Variants in CYFIP1 observed in about 807,000 individuals in gnomAD.
The protein encoded by CYFIP1 is cytoplasmic FMR1-interacting protein 1.
A neutral mutation model predicts 163.5 loss-of-function variants in CYFIP1; 58 were observed. That is an observed-to-expected ratio of 0.35 (90% CI 0.29 to 0.44). The LOEUF (loss-of-function observed/expected upper bound fraction) is 0.44. CYFIP1 is among the 20% of genes least tolerant of loss of function. CYFIP1 has a pLI of 1.00. For synonymous variants in CYFIP1, 663 were observed against 660.7 expected (o/e 1.00, Z -0.05); for missense variants, 1,338 against 1,653.8 (o/e 0.81, Z 3.31).
intron 10 of CYFIP1, among the ~76,000 whole-genome samples, chr15:22,932,994 G>A (rs1328556522): frequency 1.3e-5 from 2 of 151,900 alleles, no homozygotes; most frequent in African/African-American, 2.4e-5. Flanking sequence ...CACCATGCCC[G>A]GCTAATTTTT....
At position 22,880,677 on chromosome 15, in the gene CYFIP1, C is replaced by A. The variant is rs570219253; in HGVS notation, c.2912-634G>T. Among the ~76,000 whole-genome samples the A allele has an allele frequency of 6.6e-5, 10 of 152,292 alleles. No homozygotes were observed. In the East Asian group the frequency reaches 1.9e-3, roughly 29 times the overall value. ...ACAATGAACGTGGCATCAGGAGGGGCCTAAACTACCCTGGGAAGAGCAAAG... is the reference window on the plus strand; with the variant it reads ...ACAATGAACGTGGCATCAGGAGGGGACTAAACTACCCTGGGAAGAGCAAAG... On this transcript the variant is annotated intron_variant, in intron 25 of 30. Transcript: ENST00000617928.
intron 22 of CYFIP1, among the ~76,000 whole-genome samples, chr15:22,898,925 C>T (rs1423172512): frequency 6.6e-6 from 1 of 151,942 alleles, no homozygotes; most frequent in East Asian, 1.9e-4. Flanking sequence ...TTGCTTGAAT[C>T]CGGGAGGCAG....
At chr15:22,956,610 G>C (rs1319894783) in intron 1 of CYFIP1, among the ~76,000 whole-genome samples, 1 of 152,096 alleles carries the variant, frequency 6.6e-6, no homozygotes, top group African/African-American at 2.4e-5. Context: ...CAAGTCAGGG[G>C]CTCTGGAGAC....
chr15:22,871,893 A>AG (rs1228357597), intron 30 of CYFIP1, among the ~76,000 whole-genome samples: 6 of 152,196 alleles, frequency 3.9e-5, no homozygotes, highest in African/African-American at 1.4e-4. Context: ...CAGAGGACCC[A>AG]GCTGGGCCTG....
Position 22,918,778 on chromosome 15 carries a change from G to C in CYFIP1, c.1440C>G (p.Val480=), listed in dbSNP as rs2061082370. Reference sequence around the variant, plus strand: ...GGGAGAAGTCCTGCAGTGCGGCATAGACGGTGTGCCGGATGGCGTGGTTGA... The same window carrying C: ...GGGAGAAGTCCTGCAGTGCGGCATACACGGTGTGCCGGATGGCGTGGTTGA... ...SVFNHAIRHT[V]YAALQDFSQV... Residue 480 remains valine, a synonymous_variant, in exon 14 of 31, where the codon GTC becomes GTG. Coordinates refer to ENST00000617928, the MANE Select transcript of CYFIP1 (RefSeq NM_014608.6). 6.2e-7 allele frequency: 1 copy of C among 1,613,524 alleles called. No homozygotes were observed. Among genetic ancestry groups the C allele is most frequent in the Non-Finnish European group, 8.5e-7 (1 of 1,179,650 alleles).
In CYFIP1 at chr15:22,970,814, C is replaced by T. The variant is rs180938180; in HGVS notation, c.-7+9473G>A. The stretch of plus-strand genomic sequence containing the variant: ...TAATTTGGCCTGGCGTGGTGGCTCA[C>T]TCCTGTAATCCCAGCACTTTGGGAG... On this transcript the variant is annotated intron_variant, in intron 1 of 30. Transcript: ENST00000617928. Among the ~76,000 whole-genome samples, 5 of 152,266 alleles carry T rather than the reference C, an allele frequency of 3.3e-5. No individual in the cohort carries two copies. The East Asian group carries it at 9.7e-4, about 29-fold the overall frequency.
At chr15:22,932,661 G>A (rs2061575750) in intron 10 of CYFIP1, among the ~76,000 whole-genome samples, 1 of 152,158 alleles carries the variant, frequency 6.6e-6, no homozygotes. Context: ...GTCAATGAAA[G>A]CCTCCCCTGA....
intron 12 of CYFIP1, among the ~76,000 whole-genome samples, chr15:22,926,625 T>C (rs1235179119): frequency 1.3e-5 from 2 of 152,222 alleles, no homozygotes; most frequent in Non-Finnish European, 2.9e-5. Context: ...AAATCTTTCA[T>C]TGCTTACAGG....
At chr15:22,890,744 C>T (rs113833711) in intron 23 of CYFIP1, among the ~76,000 whole-genome samples, 20 of 72,804 alleles carry the variant, frequency 2.7e-4, no homozygotes, top group East Asian at 1.1e-3. Context: ...CCAACAGCCT[C>T]GAGAACACGA....
intron 27 of CYFIP1, among the ~76,000 whole-genome samples, 171 bp from the exon 28 acceptor site, chr15:22,874,815 G>A (rs933390905): frequency 2.0e-5 from 3 of 151,864 alleles, no homozygotes; most frequent in Non-Finnish European, 1.5e-5. Context: ...AATTCAAACC[G>A]GCAGAACCAA....
chr15:22,980,348 T>TTCCTTGG lies in CYFIP1; in HGVS notation c.-69_-68insCCAAGGA, dbSNP rs2063445128. 2.0e-5 allele frequency: 3 copies of TTCCTTGG among 150,886 alleles called. No individual in the cohort carries two copies. Among genetic ancestry groups the TTCCTTGG allele is most frequent in the African/African-American group, 7.3e-5 (3 of 41,058 alleles). 9.3% of individuals were successfully genotyped at this position (150,886 alleles called of 1,614,324 possible). Reference sequence around the variant, plus strand: ...CTGGGAGTTTCCTTGGCCGAGTGAGTCACTCGGGCTGGCCGGGAATGCGCC... The same window carrying TTCCTTGG: ...CTGGGAGTTTCCTTGGCCGAGTGAGTTCCTTGGCACTCGGGCTGGCCGGGAATGCGCC... On this transcript the variant is annotated 5_prime_UTR_variant, in exon 1 of 31. Transcript: ENST00000617928.
chr15:22,877,611 A>AG (rs35706762), intron 26 of CYFIP1, among the ~76,000 whole-genome samples: 113,366 of 152,086 alleles, frequency 0.75, 42,622 homozygotes, highest in South Asian at 0.86. Context: ...TCCTTAGAGC[A>AG]GGGCCACCCT....
intron 3 of CYFIP1, among the ~76,000 whole-genome samples, chr15:22,946,323 GA>G (rs1220241712): frequency 6.6e-6 from 1 of 151,388 alleles, no homozygotes; most frequent in East Asian, 1.9e-4. Context: ...AAGAAAGAAA[GA>G]AAACCTGTTG....
chr15:22,972,659 G>A (rs1338412868), intron 1 of CYFIP1, among the ~76,000 whole-genome samples: 1 of 152,134 alleles, frequency 6.6e-6, no homozygotes, highest in African/African-American at 2.4e-5. Context: ...CACACATACA[G>A]AAAAATAATA....
Position 22,873,485 on chromosome 15 carries a change from A to G in CYFIP1, c.3449+6T>C. 1 of 1,610,344 alleles carries G rather than the reference A, an allele frequency of 6.2e-7. No homozygotes were observed. Among genetic ancestry groups the G allele is most frequent in the Non-Finnish European group, 8.5e-7 (1 of 1,176,920 alleles). On this transcript the variant is annotated splice_donor_region_variant and intron_variant, in intron 29 of 30. Coordinates refer to ENST00000617928, the MANE Select transcript of CYFIP1 (RefSeq NM_014608.6). The stretch of plus-strand genomic sequence containing the variant: ...GGGCTTTGTCCTGCTCTCAGCACAC[A>G]CTTACTCGACTGTGAACTCGTGTGT...
At chr15:22,875,651 C>G (rs754166383) in intron 26 of CYFIP1, among the ~76,000 whole-genome samples, 15 of 151,964 alleles carry the variant, frequency 9.9e-5, no homozygotes, top group Non-Finnish European at 1.5e-5. Flanking sequence ...CCACCAGGCT[C>G]TTAAGAACCA....
intron 1 of CYFIP1, among the ~76,000 whole-genome samples, chr15:22,963,434 GAGC>G (rs1268880445): frequency 6.6e-6 from 1 of 151,814 alleles, no homozygotes; most frequent in Non-Finnish European, 1.5e-5. Flanking sequence ...AGGTTGCAGT[GAGC>G]CAAGACTGTG....
chr15:22,895,912 T>C (rs761741863), intron 22 of CYFIP1, among the ~76,000 whole-genome samples: 2 of 152,148 alleles, frequency 1.3e-5, no homozygotes, highest in Non-Finnish European at 2.9e-5. Flanking sequence ...CAGGGAAAGC[T>C]TTGCACATGG....
At chr15:22,955,727 C>T (rs1301336469) in intron 1 of CYFIP1, among the ~76,000 whole-genome samples, 2 of 152,204 alleles carry the variant, frequency 1.3e-5, no homozygotes, top group African/African-American at 4.8e-5. Flanking sequence ...CCACACTCCC[C>T]CTGCAAGCTC....
Sources: gnomAD v4.1 joint callset for allele counts (sites outside exome capture counted in the v4.1 genomes callset) on GRCh38, gnomAD v4.1.1 for gene constraint, MANE v1.5 for transcripts, NCBI Gene and HGNC (gene_info 2026-07-23, HGNC 2026-07-21) for gene names.